The following LGI2 variants were observed in gnomAD, a reference collection of about 807,000 sequenced individuals.
The protein encoded by LGI2 is leucine-rich repeat LGI family member 2.
Under a neutral mutation model 52.0 loss-of-function variants are expected in LGI2, and 30 were observed. That is an observed-to-expected ratio of 0.58 (90% confidence interval 0.43 to 0.78). The LOEUF is 0.78. Ranked by LOEUF, LGI2 falls within the 30% of genes least tolerant of loss-of-function variation. The pLI is 0.00. For synonymous variants in LGI2, 270 were observed against 271.8 expected (o/e 0.99, Z 0.06); for missense variants, 573 against 692.5 (o/e 0.83, Z 1.94).
At chr4:25,018,919 T>C (rs1670032957) in intron 5 of LGI2, among the ~76,000 whole-genome samples, 1 of 151,722 alleles carries the variant, frequency 6.6e-6, no homozygotes, top group Non-Finnish European at 1.5e-5. Flanking sequence ...CAGGTGAACG[T>C]GCCATCTCAG....
chr4:25,015,732 G>T (rs560503974), intron 6 of LGI2, among the ~76,000 whole-genome samples: 3 of 151,288 alleles, frequency 2.0e-5, no homozygotes, highest in African/African-American at 7.3e-5. Flanking sequence ...TCCCCATCTA[G>T]CTTTTAACGA....
At chr4:24,996,288 C>T (rs573816397), downstream of LGI2, among the ~76,000 whole-genome samples, 10 of 152,236 alleles carry the variant, frequency 6.6e-5, no homozygotes, top group East Asian at 3.9e-4. Context: ...GATTCTTGAA[C>T]GCTTTTGTAT....
intron 6 of LGI2, among the ~76,000 whole-genome samples, chr4:25,017,658 G>A (rs928815493): frequency 6.6e-6 from 1 of 151,826 alleles, no homozygotes; most frequent in Non-Finnish European, 1.5e-5. Flanking sequence ...TCCCTGCAGT[G>A]GCCTTCTATG....
chr4:25,030,590 C>T lies in LGI2; in HGVS notation c.104G>A (p.Arg35His), dbSNP rs777591712. ...PRSAQVRRLARCPATCSCTKE... is the reference protein window; with the variant it reads ...PRSAQVRRLAHCPATCSCTKE... ...GGTACAGCTGCAAGTGGCGGGGCAG[C>T]GCGCCAGCCGCCTCACCTGCGCGCT... is the stretch of plus-strand genomic sequence containing the variant. Residue 35 changes from arginine (R) to histidine (H), a missense_variant, in exon 1 of 8, where the codon CGC (arginine) becomes CAC (histidine). By Grantham distance (29) the Arg-to-His change is conservative (BLOSUM62 0). Transcript: ENST00000382114. The T allele has an allele frequency of 6.4e-7, 1 of 1,566,316 alleles. No homozygotes were observed. Among genetic ancestry groups the T allele is most frequent in the African/African-American group, 1.4e-5 (1 of 74,042 alleles).
intron 6 of LGI2, 32 bp downstream of exon 6, chr4:25,017,957 T>C: frequency 6.5e-7 from 1 of 1,540,658 alleles, no homozygotes; most frequent in Non-Finnish European, 8.7e-7. Flanking sequence ...TTATTCTAAA[T>C]ATCCGTGTCT....
Position 25,012,448 on chromosome 4 carries a change from A to G in LGI2, c.707T>C (p.Phe236Ser), listed in dbSNP as rs1725621034. ...LPYQSVSVDT[F>S]NSKNDVYVAI... Reference sequence around the variant, plus strand: ...CACGTACACATCGTTCTTGGAGTTGAACGTATCCACTGAAACCGACTGGTA... The same window carrying G: ...CACGTACACATCGTTCTTGGAGTTGGACGTATCCACTGAAACCGACTGGTA... The change falls in exon 7 of 8, where the codon TTC becomes TCC. Residue 236 changes from phenylalanine (F) to serine (S), a missense_variant. Phe to Ser is a radical substitution (Grantham distance 155, BLOSUM62 -2). Transcript: ENST00000382114. 1.9e-6 allele frequency: 3 copies of G among 1,614,118 alleles called. No individual in the cohort carries two copies. Among genetic ancestry groups the G allele is most frequent in the Admixed American group, 1.7e-5 (1 of 60,014 alleles).
the LGI2 span, among the ~76,000 whole-genome samples, chr4:24,992,883 G>C: frequency 2.6e-5 from 4 of 152,164 alleles, no homozygotes; most frequent in Non-Finnish European, 4.4e-5. Context: ...AACACATCTG[G>C]ATCAGCACTT....
chr4:25,008,340 G>A lies in LGI2; in HGVS notation c.820+3995C>T, dbSNP rs187345985. Among the ~76,000 whole-genome samples, 8 of 152,178 alleles carry A rather than the reference G, an allele frequency of 5.3e-5. No individual in the cohort carries two copies. The East Asian group carries it at 1.5e-3, about 29-fold the overall frequency. On this transcript the variant is annotated intron_variant, in intron 7 of 7. Coordinates refer to ENST00000382114, the MANE Select transcript of LGI2 (RefSeq NM_018176.4). ...GGCCGAGGTGGGTGAATCACCTGAG[G>A]TCAGGAGTTCAAGAACTCCAAGGCC... is the stretch of plus-strand genomic sequence containing the variant.
Position 25,030,886 on chromosome 4 carries a change from C to T in LGI2, c.-193G>A, listed in dbSNP as rs1327878808. ...CTGGCCGCCACCCCCACTCGGCGCC[C>T]CCCCACCCGAGCCCGGGCTGCTGGG... On this transcript the variant is annotated 5_prime_UTR_variant, in exon 1 of 8. Transcript: ENST00000382114. 2 of 179,472 alleles carry T rather than the reference C, an allele frequency of 1.1e-5. No individual in the cohort carries two copies. Among genetic ancestry groups the T allele is most frequent in the Admixed American group, 6.5e-5 (1 of 15,446 alleles). The allele number at this position is 179,472 out of a possible 1,614,324, so 11.1% of individuals were successfully genotyped here.
Position 25,003,129 on chromosome 4 carries a change from C to T in LGI2, c.*322G>A, listed in dbSNP as rs766625682. ...CATTATAAGTGCTGTCCCATCTTAT[C>T]CAATTGTCTTCTTCCTCATCAAAAA... On this transcript the variant is annotated 3_prime_UTR_variant, in exon 8 of 8. Transcript: ENST00000382114. 19 of 202,492 alleles carry T rather than the reference C, an allele frequency of 9.4e-5. No homozygotes were observed. The highest frequency in any genetic ancestry group is 1.6e-4 in the Non-Finnish European group (16 of 102,644). 12.5% of individuals were successfully genotyped at this position (202,492 alleles called of 1,614,324 possible). A position where few individuals can be genotyped will look rare whatever the true frequency, so the allele number is the denominator to read the frequency against.
chr4:25,006,603 G>C (rs910900280), intron 7 of LGI2, among the ~76,000 whole-genome samples: 7 of 152,136 alleles, frequency 4.6e-5, no homozygotes, highest in Non-Finnish European at 8.8e-5. Flanking sequence ...TGTGTTAAAT[G>C]TTTACCAGAG....
At position 25,000,723 on chromosome 4, in the gene LGI2, T is replaced by C. The variant is rs1236304972; in HGVS notation, c.*2728A>G. The C allele has an allele frequency of 2.0e-5, 3 of 152,160 alleles. No homozygotes were observed. The highest frequency in any genetic ancestry group is 4.4e-5 in the Non-Finnish European group (3 of 68,044). The allele number at this position is 152,160 out of a possible 1,614,324, so 9.4% of individuals were successfully genotyped here. On this transcript the variant is annotated 3_prime_UTR_variant, in exon 8 of 8. Transcript: ENST00000382114. Reference sequence around the variant, plus strand: ...ACCCAGTGGGTGATGGGAGGGAAAGTAGAAGAAAGATCCACCCCCTCCTTC... The same window carrying C: ...ACCCAGTGGGTGATGGGAGGGAAAGCAGAAGAAAGATCCACCCCCTCCTTC...
chr4:25,019,106 G>A, intron 5 of LGI2, 61 bp downstream of exon 5: 1 of 1,036,282 alleles, frequency 9.6e-7, no homozygotes, highest in South Asian at 1.3e-5. Flanking sequence ...AGAGGGGATT[G>A]AAAGACATGA....
rs1725319745 is a variant in LGI2, at chr4:25,003,829, T to A, written c.1260A>T (p.Val420=). The change falls in exon 8 of 8, where the codon GTA becomes GTT. Residue 420 remains valine (V), a synonymous_variant. Coordinates refer to ENST00000382114, the MANE Select transcript of LGI2 (RefSeq NM_018176.4). ...PHGDIPNMED[V]LAVKSFRMQN... ...GCATTCGGAAGCTCTTCACAGCCAG[T>A]ACGTCCTCCATGTTGGGGATGTCAC... is the stretch of plus-strand genomic sequence containing the variant. 4.3e-6 allele frequency: 7 copies of A among 1,614,066 alleles called. No homozygotes were observed. The Middle Eastern group carries it at 6.6e-4, about 152-fold the overall frequency.
intron 7 of LGI2, among the ~76,000 whole-genome samples, chr4:25,006,622 G>C (rs1168747773): frequency 6.6e-6 from 1 of 152,088 alleles, no homozygotes; most frequent in Admixed American, 6.6e-5. Flanking sequence ...AGCAAATTTT[G>C]AAAATACTAA....
At chr4:25,028,853 C>T (rs1198034827) in intron 1 of LGI2, among the ~76,000 whole-genome samples, 1 of 152,326 alleles carries the variant, frequency 6.6e-6, no homozygotes, top group Non-Finnish European at 1.5e-5. Context: ...AAATCAATCC[C>T]TTCACTTCCT....
At chr4:24,994,745 C>T (rs1020816076), downstream of LGI2, among the ~76,000 whole-genome samples, 5 of 152,110 alleles carry the variant, frequency 3.3e-5, no homozygotes, top group African/African-American at 1.2e-4. Context: ...CTGGCATATT[C>T]CCTACTTCTC....
At position 25,000,397 on chromosome 4, in the gene LGI2, C is replaced by T. The variant is rs1463798348; in HGVS notation, c.*3054G>A. 6.6e-6 allele frequency: 1 copy of T among 152,474 alleles called. No individual in the cohort carries two copies. Among genetic ancestry groups the T allele is most frequent in the Non-Finnish European group, 1.5e-5 (1 of 68,332 alleles). The allele number at this position is 152,474 out of a possible 1,614,324, so 9.4% of individuals were successfully genotyped here. On this transcript the variant is annotated 3_prime_UTR_variant, in exon 8 of 8. Transcript: ENST00000382114. ...CTCTCTGAAATTAGAATAATACCTG[C>T]CCTGCAATAAACTTCAGAGCTATTT... is the stretch of plus-strand genomic sequence containing the variant.
chr4:25,006,552 G>A (rs952503112), intron 7 of LGI2, among the ~76,000 whole-genome samples: 2 of 152,086 alleles, frequency 1.3e-5, no homozygotes, highest in Admixed American at 6.6e-5. Flanking sequence ...CCTTTTCCTT[G>A]TTTAAAACTA....
Sources: allele counts gnomAD v4.1 joint callset (sites outside exome capture counted in the v4.1 genomes callset), GRCh38; gene constraint gnomAD v4.1.1; transcripts MANE v1.5; gene names NCBI Gene and HGNC (gene_info 2026-07-23, HGNC 2026-07-21).